The following ANO2 variants were observed in gnomAD, a reference collection of about 807,000 sequenced individuals.
The protein encoded by ANO2 is anoctamin 2, also known as anoctamin-2.
A neutral mutation model predicts 124.2 loss-of-function variants in ANO2; 101 were observed. The observed-to-expected ratio is 0.81, with a 90% CI of 0.69 to 0.96. The LOEUF is 0.96. Among genes scored for constraint, ANO2 ranks in the 40% least tolerant of loss-of-function variants. The pLI is 0.00. For missense variants in ANO2, 1,293 were observed against 1,274.5 expected, an observed-to-expected ratio of 1.01 and a Z score of -0.22; for synonymous variants, 486 against 482.5, an observed-to-expected ratio of 1.01 and a Z score of -0.09.
chr12:5,813,666 C>T (rs1340871393), intron 7 of ANO2, among the ~76,000 whole-genome samples: 1 of 152,178 alleles, frequency 6.6e-6, no homozygotes, highest in Non-Finnish European at 1.5e-5. Context: ...TGTCTCCTCT[C>T]AACCTCTCTG....
At chr12:5,891,202 C>G (rs565153521) in intron 3 of ANO2, among the ~76,000 whole-genome samples, 4 of 152,096 alleles carry the variant, frequency 2.6e-5, no homozygotes, top group Non-Finnish European at 5.9e-5. Flanking sequence ...GAGGAGAAGC[C>G]CTCTATTTCT....
At chr12:5,584,456 T>C (rs1942990745) in intron 20 of ANO2, among the ~76,000 whole-genome samples, 1 of 152,130 alleles carries the variant, frequency 6.6e-6, no homozygotes, top group Non-Finnish European at 1.5e-5. Context: ...GAATCCTCCT[T>C]CTTATGAGCC....
chr12:5,889,061 G>A (rs976807694), intron 3 of ANO2, among the ~76,000 whole-genome samples: 14 of 152,238 alleles, frequency 9.2e-5, no homozygotes, highest in African/African-American at 1.9e-4. Context: ...AAGGCCCCAC[G>A]AGAAGTCGAG....
At chr12:5,807,715 T>A (rs770813092) in intron 7 of ANO2, among the ~76,000 whole-genome samples, 5 of 152,220 alleles carry the variant, frequency 3.3e-5, no homozygotes, top group Non-Finnish European at 5.9e-5. Flanking sequence ...GTTATATGGA[T>A]CATTTTAATC....
intron 3 of ANO2, among the ~76,000 whole-genome samples, chr12:5,887,718 C>CT (rs1247647946): frequency 3.3e-5 from 5 of 152,150 alleles, no homozygotes; most frequent in African/African-American, 7.2e-5. Context: ...GAAGCTAACT[C>CT]TTTTTTTGAG....
chr12:5,570,277 A>C (rs1379819216), intron 23 of ANO2, among the ~76,000 whole-genome samples: 1 of 152,196 alleles, frequency 6.6e-6, no homozygotes, highest in Non-Finnish European at 1.5e-5. Context: ...ATACTATGTT[A>C]ATGCATAGAA....
chr12:5,623,357 C>T (rs1298497511), intron 16 of ANO2, among the ~76,000 whole-genome samples: 1 of 152,144 alleles, frequency 6.6e-6, no homozygotes, highest in East Asian at 1.9e-4. Flanking sequence ...GAAAGTTTCA[C>T]CTGCTTCCAA....
intron 3 of ANO2, among the ~76,000 whole-genome samples, chr12:5,869,752 A>G (rs1161979335): frequency 6.6e-6 from 1 of 152,180 alleles, no homozygotes; most frequent in East Asian, 1.9e-4. Context: ...CTGTCCTCAC[A>G]TAGCCATGGT....
chr12:5,570,191 A>G (rs1273568478), intron 23 of ANO2, among the ~76,000 whole-genome samples: 2 of 152,234 alleles, frequency 1.3e-5, no homozygotes, highest in Non-Finnish European at 2.9e-5. Context: ...GACTTAAATA[A>G]GATTTCCATT....
At chr12:5,865,111 GC>G (rs1271683276) in intron 3 of ANO2, among the ~76,000 whole-genome samples, 1 of 152,068 alleles carries the variant, frequency 6.6e-6, no homozygotes, top group Admixed American at 6.5e-5. Flanking sequence ...ACAAGGATAT[GC>G]CCCTGCCTTC....
chr12:5,842,395 A>T (rs1389073637), intron 4 of ANO2, among the ~76,000 whole-genome samples: 1 of 152,140 alleles, frequency 6.6e-6, no homozygotes, highest in Non-Finnish European at 1.5e-5. Context: ...CCATTAACTG[A>T]AGGAGTCCTT....
At chr12:5,818,419 A>G (rs1018810003) in intron 7 of ANO2, among the ~76,000 whole-genome samples, 7 of 137,622 alleles carry the variant, frequency 5.1e-5, no homozygotes, top group Admixed American at 1.5e-4. Context: ...GCTTGTGATC[A>G]TGTGAGTTAA....
intron 3 of ANO2, among the ~76,000 whole-genome samples, chr12:5,915,948 A>G (rs1941351958): frequency 1.3e-5 from 2 of 152,174 alleles, no homozygotes; most frequent in Non-Finnish European, 2.9e-5. Flanking sequence ...GTGACTAGGT[A>G]CACTGTGGTG....
intron 3 of ANO2, among the ~76,000 whole-genome samples, chr12:5,905,251 G>A (rs187949833): frequency 1.1e-4 from 17 of 150,402 alleles, no homozygotes; most frequent in Admixed American, 1.1e-3. Flanking sequence ...CAGGGAGGAC[G>A]GTGTGGAATG....
intron 19 of ANO2, among the ~76,000 whole-genome samples, chr12:5,607,946 T>C (rs965588582): frequency 6.6e-6 from 1 of 152,100 alleles, no homozygotes; most frequent in East Asian, 1.9e-4. Flanking sequence ...GTACAATAAA[T>C]GTAATGCAGT....
intron 14 of ANO2, among the ~76,000 whole-genome samples, chr12:5,676,606 T>A (rs1388593086): frequency 4.6e-5 from 7 of 152,180 alleles, no homozygotes; most frequent in Non-Finnish European, 1.0e-4. Flanking sequence ...TTTCCATTTT[T>A]TTTTCCTGCA....
intron 19 of ANO2, chr12:5,608,883 G>C (rs1242017963): frequency 6.6e-6 from 1 of 152,174 alleles, no homozygotes; most frequent in Non-Finnish European, 1.5e-5. Flanking sequence ...AGAGAGAATG[G>C]GCTAAGCTGT....
chr12:5,613,509 G>A (rs1022944004), intron 17 of ANO2, among the ~76,000 whole-genome samples: 1 of 152,132 alleles, frequency 6.6e-6, no homozygotes, highest in Non-Finnish European at 1.5e-5. Flanking sequence ...TTTTATTGGG[G>A]GACAATAAGA....
At chr12:5,581,072 G>C (rs766808804) in intron 20 of ANO2, among the ~76,000 whole-genome samples, 5 of 152,172 alleles carry the variant, frequency 3.3e-5, no homozygotes, top group Non-Finnish European at 5.9e-5. Context: ...AATTCACTTT[G>C]GAGTCAGGAA....
Sources: allele counts gnomAD v4.1 joint callset (sites outside exome capture counted in the v4.1 genomes callset), GRCh38; gene constraint gnomAD v4.1.1; transcripts MANE v1.5; gene names NCBI Gene and HGNC (gene_info 2026-07-23, HGNC 2026-07-21).